The following CCDC60 variants were observed in gnomAD, a reference collection of about 807,000 sequenced individuals.
CCDC60 encodes coiled-coil domain containing 60.
In CCDC60, 54 loss-of-function variants were observed where a neutral mutation model predicts 63.5. The observed-to-expected ratio is 0.85, with a 90% CI of 0.68 to 1.07. The LOEUF (loss-of-function observed/expected upper bound fraction) is 1.07, where lower values mean the gene tolerates loss of function less well. CCDC60 is among the 50% of genes least tolerant of loss of function. CCDC60 has a pLI of 0.00. For missense variants in CCDC60, 651 were observed against 684.3 expected (o/e 0.95, Z 0.54); for synonymous variants, 206 against 238.8 (o/e 0.86, Z 1.27).
intron 4 of CCDC60, among the ~76,000 whole-genome samples, chr12:119,488,521 C>A (rs903274068): frequency 5.9e-5 from 9 of 152,206 alleles, no homozygotes; most frequent in African/African-American, 1.4e-4. Context: ...TGACCTGGCA[C>A]AACTTCCTAA....
intron 2 of CCDC60, among the ~76,000 whole-genome samples, chr12:119,468,041 G>A (rs766286571): frequency 1.4e-4 from 22 of 152,088 alleles, no homozygotes; most frequent in East Asian, 1.9e-4. Flanking sequence ...TTGGGAGGCC[G>A]AGGTGGGTGG....
intron 1 of CCDC60, among the ~76,000 whole-genome samples, chr12:119,345,670 T>C (rs1955584587): frequency 6.6e-6 from 1 of 152,094 alleles, no homozygotes; most frequent in Non-Finnish European, 1.5e-5. Flanking sequence ...AACAGCCAAA[T>C]CCTTATGGTT....
At chr12:119,428,179 A>G (rs1336411485) in intron 1 of CCDC60, among the ~76,000 whole-genome samples, 1 of 152,174 alleles carries the variant, frequency 6.6e-6, no homozygotes, top group Non-Finnish European at 1.5e-5. Context: ...GAGGGGAAGT[A>G]CATTTGCATC....
intron 2 of CCDC60, among the ~76,000 whole-genome samples, chr12:119,432,059 T>C (rs1950238421): frequency 6.6e-6 from 1 of 152,128 alleles, no homozygotes; most frequent in African/African-American, 2.4e-5. Context: ...AGCTTGGAGG[T>C]TAGAAGCAAG....
chr12:119,450,362 G>A (rs530730828), intron 2 of CCDC60, among the ~76,000 whole-genome samples: 2 of 152,064 alleles, frequency 1.3e-5, no homozygotes, highest in South Asian at 4.2e-4. Context: ...TGATATATAT[G>A]CAATACACCC....
Position 119,531,076 on chromosome 12 carries a change from T to C in CCDC60, c.1551+13T>C, listed in dbSNP as rs1240695812. On this transcript the variant is annotated intron_variant, in intron 13 of 13. Coordinates refer to ENST00000327554, the MANE Select transcript of CCDC60 (RefSeq NM_178499.5). Reference sequence around the variant, plus strand: ...TGTGGCTATTGAGGTAAACACCACCTCCTTCCCCTCCACAGTGTTTCAGGT... The same window carrying C: ...TGTGGCTATTGAGGTAAACACCACCCCCTTCCCCTCCACAGTGTTTCAGGT... 1 of 1,609,136 alleles carries C rather than the reference T, an allele frequency of 6.2e-7. No individual in the cohort carries two copies. Among genetic ancestry groups the C allele is most frequent in the East Asian group, 2.2e-5 (1 of 44,816 alleles).
intron 8 of CCDC60, among the ~76,000 whole-genome samples, chr12:119,519,032 C>T (rs1204573689): frequency 6.6e-6 from 1 of 152,218 alleles, no homozygotes; most frequent in East Asian, 1.9e-4. Flanking sequence ...TTTGCTAAGG[C>T]AGCAGACATT....
chr12:119,471,978 C>G lies in CCDC60; in HGVS notation c.171-16C>G. ...CCTTCCTCCCTCTCTCCCTCTTCCT[C>G]CCTGCATGTCTCCAGCTTTTTGATC... On this transcript the variant is annotated splice_polypyrimidine_tract_variant and intron_variant, in intron 2 of 13. Coordinates refer to ENST00000327554, the MANE Select transcript of CCDC60 (RefSeq NM_178499.5). 1 of 1,609,940 alleles carries G rather than the reference C, an allele frequency of 6.2e-7. No individual in the cohort carries two copies. The highest frequency in any genetic ancestry group is 8.5e-7 in the Non-Finnish European group (1 of 1,177,714).
At chr12:119,524,004 T>C (rs1480942862) in intron 11 of CCDC60, among the ~76,000 whole-genome samples, 186 bp downstream of exon 11, 4 of 152,114 alleles carry the variant, frequency 2.6e-5, no homozygotes, top group Non-Finnish European at 5.9e-5. Flanking sequence ...AATATATAGG[T>C]ACAAATTCTA....
chr12:119,528,750 A>T lies in CCDC60; in HGVS notation c.1361+4A>T. The T allele has an allele frequency of 6.2e-7, 1 of 1,612,796 alleles. No homozygotes were observed. Among genetic ancestry groups the T allele is most frequent in the East Asian group, 2.2e-5 (1 of 44,854 alleles). On this transcript the variant is annotated splice_donor_region_variant and intron_variant, in intron 12 of 13. Transcript: ENST00000327554. ...CAGAAGAAATTGCAGACCACTGGTA[A>T]ATATCCTAAGAACCAGATAAGATGG... is the stretch of plus-strand genomic sequence containing the variant.
rs1271195617 is a variant in CCDC60 at position 119,507,612 on chromosome 12, A to ATTTTTT, written c.883+2310_883+2311insTTTTTT. Among the ~76,000 whole-genome samples the ATTTTTT allele has an allele frequency of 1.1e-4, 5 of 45,398 alleles. 1 individual carries two copies. The highest frequency in any genetic ancestry group is 3.0e-3 in the East Asian group (2 of 658). The allele number at this position is 45,398 out of a possible 152,430, so 29.8% of individuals were successfully genotyped here. On this transcript the variant is annotated intron_variant, in intron 7 of 13. Transcript: ENST00000327554. ...TATACATATATATATATATATATAT[A>ATTTTTT]TATTTTTTTTTTTTTTTTCTAGAAA... is the stretch of plus-strand genomic sequence containing the variant.
intron 2 of CCDC60, among the ~76,000 whole-genome samples, chr12:119,464,466 A>C (rs954311113): frequency 2.6e-5 from 4 of 151,462 alleles, no homozygotes; most frequent in Admixed American, 2.0e-4. Flanking sequence ...CCTTTCTGTC[A>C]AACAAAAGTC....
chr12:119,450,056 A>C (rs1159790346), intron 2 of CCDC60, among the ~76,000 whole-genome samples: 3 of 152,232 alleles, frequency 2.0e-5, no homozygotes, highest in Non-Finnish European at 4.4e-5. Flanking sequence ...GATTGGACCA[A>C]GAAAATGTGG....
At chr12:119,538,627 T>A (rs759076599) in intron 13 of CCDC60, among the ~76,000 whole-genome samples, 2 of 152,194 alleles carry the variant, frequency 1.3e-5, no homozygotes, top group Non-Finnish European at 2.9e-5. Context: ...TTGCATTGGG[T>A]TAGAACATGC....
Position 119,408,164 on chromosome 12 carries a change from T to C in CCDC60, c.91-20519T>C, listed in dbSNP as rs566024834. 1.1e-3 allele frequency among the ~76,000 whole-genome samples: 160 copies of C among 152,358 alleles called. 1 individual carries two copies. Among genetic ancestry groups the C allele is most frequent in the African/African-American group, 3.7e-3 (155 of 41,588 alleles). Reference sequence around the variant, plus strand: ...CCTAAAGAGAAAGTAAATGAGTTTATGTAACCCAAATCATCAACTGTTTCT... The same window carrying C: ...CCTAAAGAGAAAGTAAATGAGTTTACGTAACCCAAATCATCAACTGTTTCT... On this transcript the variant is annotated intron_variant, in intron 1 of 13. Transcript: ENST00000327554.
chr12:119,342,433 G>A (rs920036280), intron 1 of CCDC60, among the ~76,000 whole-genome samples: 47 of 152,218 alleles, frequency 3.1e-4, no homozygotes, highest in African/African-American at 1.1e-3. Context: ...TGGTGATATT[G>A]AAGATGAGTA....
chr12:119,428,390 A>C lies in CCDC60; in HGVS notation c.91-293A>C, dbSNP rs530343298. On this transcript the variant is annotated intron_variant, in intron 1 of 13. Coordinates refer to ENST00000327554, the MANE Select transcript of CCDC60 (RefSeq NM_178499.5). ...GGAGTGATTCCCCATTCTACTGAAG[A>C]AATTGAGGCCCAAATTCTTCAGAGA... Among the ~76,000 whole-genome samples, 3 of 152,324 alleles carry C rather than the reference A, an allele frequency of 2.0e-5. 1 individual carries two copies. In the South Asian group the frequency reaches 6.2e-4, roughly 32 times the overall value.
At position 119,507,585 on chromosome 12, in the gene CCDC60, TATATACATATATATATATATATATATA is replaced by T. The variant is rs1952071635; in HGVS notation, c.883+2283_883+2309del. 1.4e-4 allele frequency among the ~76,000 whole-genome samples: 5 copies of T among 36,488 alleles called. No individual in the cohort carries two copies. In the Admixed American group the frequency reaches 1.8e-3, roughly 13 times the overall value. 23.9% of individuals were successfully genotyped at this position (36,488 alleles called of 152,430 possible). On this transcript the variant is annotated intron_variant, in intron 7 of 13. Coordinates refer to ENST00000327554, the MANE Select transcript of CCDC60 (RefSeq NM_178499.5). ...ATATATATATGTATATATACACATA[TATATACATATATATATATATATATATA>T]TATTTTTTTTTTTTTTTTCTAGAAA...
Position 119,495,784 on chromosome 12 carries a change from C to T in CCDC60, c.558-4294C>T, listed in dbSNP as rs151335831. Among the ~76,000 whole-genome samples, 62 of 152,292 alleles carry T rather than the reference C, an allele frequency of 4.1e-4. 1 individual carries two copies. Among genetic ancestry groups the T allele is most frequent in the African/African-American group, 1.3e-3 (56 of 41,560 alleles). On this transcript the variant is annotated intron_variant, in intron 5 of 13. Transcript: ENST00000327554. ...TGCCGTGAAGAAAACAGACAACACC[C>T]CAGCTCTCAGGAGCTTCCATTCTAC...
Sources: gnomAD v4.1 joint callset for allele counts (sites outside exome capture counted in the v4.1 genomes callset) on GRCh38, gnomAD v4.1.1 for gene constraint, MANE v1.5 for transcripts, NCBI Gene and HGNC (gene_info 2026-07-23, HGNC 2026-07-21) for gene names.